The following MRTFA variants were observed in gnomAD, a reference collection of about 807,000 sequenced individuals.
MRTFA encodes myocardin related transcription factor A, also known as myocardin-related transcription factor A.
In MRTFA, 20 loss-of-function variants were observed where a neutral mutation model predicts 83.5. The observed-to-expected ratio is 0.24, with a 90% CI of 0.17 to 0.35. MRTFA has a LOEUF of 0.35. MRTFA is among the 10% of genes least tolerant of loss of function. The pLI, the probability that MRTFA is intolerant of heterozygous loss-of-function variation, is 1.00. For synonymous variants in MRTFA, 659 were observed against 541.2 expected (o/e 1.22, Z -3.02); for missense variants, 1,200 against 1,224.7 (o/e 0.98, Z 0.30).
At chr22:40,495,990 T>C (rs937888217) in intron 3 of MRTFA, among the ~76,000 whole-genome samples, 1 of 149,254 alleles carries the variant, frequency 6.7e-6, no homozygotes, top group African/African-American at 2.5e-5. Flanking sequence ...CGCTTGAACC[T>C]GGGAGGTGGA....
chr22:40,538,047 A>G (rs1468645879), intron 3 of MRTFA, among the ~76,000 whole-genome samples: 18 of 20,110 alleles, frequency 9.0e-4, no homozygotes, highest in Admixed American at 2.2e-3. Context: ...CTGCCCGGCC[A>G]CCACCCCGTC....
chr22:40,580,711 T>C (rs750796407), intron 2 of MRTFA, among the ~76,000 whole-genome samples: 2 of 152,202 alleles, frequency 1.3e-5, no homozygotes, highest in Non-Finnish European at 2.9e-5. Context: ...ATAGCTTCTT[T>C]TAATCCACAT....
rs778797295 is a variant in MRTFA, at chr22:40,595,116, C to CTT, written c.-83-383_-83-382dup. On this transcript the variant is annotated intron_variant, in intron 1 of 14. Coordinates refer to ENST00000355630, the MANE Select transcript of MRTFA (RefSeq NM_020831.6). ...TGCTCTTATTGGTGTTGATAAATGC[C>CTT]TTTTTTTTTTTTTTTTTTTTTGGAC... Among the ~76,000 whole-genome samples, 795 of 119,240 alleles carry CTT rather than the reference C, an allele frequency of 6.7e-3. 18 individuals carry two copies. Among genetic ancestry groups the CTT allele is most frequent in the African/African-American group, 0.019 (606 of 31,494 alleles). The allele number at this position is 119,240 out of a possible 152,430, so 78.2% of individuals were successfully genotyped here.
intron 5 of MRTFA, among the ~76,000 whole-genome samples, chr22:40,431,774 A>G (rs2053073910): frequency 6.6e-6 from 1 of 150,778 alleles, no homozygotes; most frequent in Non-Finnish European, 1.5e-5. Flanking sequence ...TAAAAGTAAT[A>G]TATGTCCAGC....
intron 1 of MRTFA, among the ~76,000 whole-genome samples, chr22:40,628,732 G>A (rs1445052674): frequency 1.3e-5 from 2 of 152,002 alleles, no homozygotes; most frequent in Admixed American, 6.6e-5. Context: ...TATATGAGCC[G>A]GCCTTAAATA....
chr22:40,564,407 A>G (rs927746355), intron 2 of MRTFA, among the ~76,000 whole-genome samples: 5 of 152,154 alleles, frequency 3.3e-5, no homozygotes, highest in Admixed American at 1.3e-4. Context: ...AGAGTTTGAG[A>G]AAGAGGAAAG....
intron 1 of MRTFA, among the ~76,000 whole-genome samples, chr22:40,613,423 A>G (rs2056409929): frequency 6.6e-6 from 1 of 152,236 alleles, no homozygotes; most frequent in African/African-American, 2.4e-5. Context: ...AACTTTCCAA[A>G]GTGGCTGTAC....
intron 3 of MRTFA, among the ~76,000 whole-genome samples, chr22:40,513,328 C>T (rs1413034541): frequency 2.6e-5 from 4 of 152,158 alleles, no homozygotes; most frequent in Non-Finnish European, 5.9e-5. Flanking sequence ...AGGCCTGGCA[C>T]GGTGGCTCAC....
intron 1 of MRTFA, among the ~76,000 whole-genome samples, chr22:40,614,153 G>A (rs11704176): frequency 1.7e-4 from 25 of 151,434 alleles, no homozygotes; most frequent in African/African-American, 6.1e-4. Flanking sequence ...AGTAAGCCGG[G>A]ATCACACCAT....
intron 3 of MRTFA, among the ~76,000 whole-genome samples, chr22:40,502,997 T>C (rs1344706112): frequency 6.6e-6 from 1 of 152,084 alleles, no homozygotes; most frequent in Non-Finnish European, 1.5e-5. Flanking sequence ...CCTTCCCCAA[T>C]ACACCCACAC....
intron 3 of MRTFA, among the ~76,000 whole-genome samples, chr22:40,548,750 G>T (rs1251896579): frequency 1.3e-5 from 2 of 152,098 alleles, no homozygotes; most frequent in Admixed American, 6.5e-5. Context: ...TGTAGTCCCA[G>T]CTACTCAGGA....
intron 3 of MRTFA, among the ~76,000 whole-genome samples, chr22:40,534,573 G>C (rs187031714): frequency 3.9e-5 from 6 of 152,162 alleles, no homozygotes; most frequent in Non-Finnish European, 8.8e-5. Context: ...TCCCACCTCA[G>C]CCTCCTGAGT....
chr22:40,630,715 T>C (rs1439129201), intron 1 of MRTFA, among the ~76,000 whole-genome samples: 1 of 152,224 alleles, frequency 6.6e-6, no homozygotes, highest in Non-Finnish European at 1.5e-5. Flanking sequence ...AATTTATTTA[T>C]TTACTTGAGA....
chr22:40,623,399 C>A (rs934793859), intron 1 of MRTFA, among the ~76,000 whole-genome samples: 2 of 151,932 alleles, frequency 1.3e-5, no homozygotes, highest in African/African-American at 4.8e-5. Context: ...TATACATGTG[C>A]CATGCTGGTG....
intron 14 of MRTFA, chr22:40,412,182 T>A (rs1219359662): frequency 3.5e-6 from 1 of 285,824 alleles, no homozygotes; most frequent in African/African-American, 2.2e-5. Context: ...AAAGAAAGAT[T>A]TGAACAGACA....
Position 40,472,665 on chromosome 22 carries a change from A to G in MRTFA, c.242-9379T>C, listed in dbSNP as rs114501391. Among the ~76,000 whole-genome samples the G allele has an allele frequency of 1.9e-3, 283 of 152,336 alleles. 1 individual carries two copies. The highest frequency in any genetic ancestry group is 6.6e-3 in the African/African-American group (275 of 41,572). ...AGGAGGTGTCAACTCCCATCTCATG[A>G]AGTTTAGCATTAAACTCAGACATCT... On this transcript the variant is annotated intron_variant, in intron 3 of 14. Coordinates refer to ENST00000355630, the MANE Select transcript of MRTFA (RefSeq NM_020831.6).
At position 40,610,196 on chromosome 22, in the gene MRTFA, G is replaced by C. The variant is rs554568494; in HGVS notation, c.-83-15461C>G. On this transcript the variant is annotated intron_variant, in intron 1 of 14. Transcript: ENST00000355630. ...CGGGTAGCTGGGACTACAGGTACCT[G>C]CCACCATGCCCAGCTAATATTTTAT... 4.6e-5 allele frequency among the ~76,000 whole-genome samples: 7 copies of C among 151,762 alleles called. No homozygotes were observed. The East Asian group carries it at 1.4e-3, about 29-fold the overall frequency.
intron 1 of MRTFA, among the ~76,000 whole-genome samples, chr22:40,625,637 G>A (rs2056573785): frequency 1.3e-5 from 2 of 151,964 alleles, no homozygotes; most frequent in South Asian, 4.2e-4. Context: ...AATTAGTCGG[G>A]CATGGTGGCA....
Position 40,520,355 on chromosome 22 carries a change from A to T in MRTFA, c.241+31751T>A, listed in dbSNP as rs190131545. ...ACATTTCATTTAAATGGAATCACACAATATGTGGCCTTTTATGTCTATGTC... is the reference window on the plus strand; with the variant it reads ...ACATTTCATTTAAATGGAATCACACTATATGTGGCCTTTTATGTCTATGTC... On this transcript the variant is annotated intron_variant, in intron 3 of 14. Coordinates refer to ENST00000355630, the MANE Select transcript of MRTFA (RefSeq NM_020831.6). 8.9e-4 allele frequency among the ~76,000 whole-genome samples: 135 copies of T among 152,306 alleles called. 1 individual carries two copies. The Middle Eastern group carries it at 0.02, about 23-fold the overall frequency.
Sources: allele counts gnomAD v4.1 joint callset (sites outside exome capture counted in the v4.1 genomes callset), GRCh38; gene constraint gnomAD v4.1.1; transcripts MANE v1.5; gene names NCBI Gene and HGNC (gene_info 2026-07-23, HGNC 2026-07-21).